Variants in RAI14 observed in about 807,000 individuals in gnomAD.
RAI14 encodes retinoic acid induced 14.
In RAI14, 45 loss-of-function variants were observed where a neutral mutation model predicts 115.4. That is an observed-to-expected ratio of 0.39 (90% CI 0.31 to 0.50). The LOEUF (loss-of-function observed/expected upper bound fraction) is 0.50, where lower values mean the gene tolerates loss of function less well. RAI14 is among the 20% of genes least tolerant of loss of function. The probability of loss-of-function intolerance (pLI) is 0.85; values close to 1 mark genes in which losing one functional copy is unlikely to be tolerated. For synonymous variants in RAI14, 371 were observed against 415.4 expected (o/e 0.89, Z 1.30); for missense variants, 939 against 1,131.2 (o/e 0.83, Z 2.44).
chr5:34,787,805 GTTTAA>G (rs1752469275), intron 3 of RAI14, among the ~76,000 whole-genome samples: 3 of 124,996 alleles, frequency 2.4e-5, no homozygotes, highest in Middle Eastern at 4.7e-3. Flanking sequence ...TTTGGTCTTT[GTTTAA>G]TTTGTTTTTA....
chr5:34,662,219 G>A (rs1742747413), intron 1 of RAI14, among the ~76,000 whole-genome samples: 1 of 152,164 alleles, frequency 6.6e-6, no homozygotes, highest in South Asian at 2.1e-4. Context: ...TATTTTTCAT[G>A]ATGGAAGGAA....
intron 17 of RAI14, among the ~76,000 whole-genome samples, chr5:34,830,336 C>T (rs778116958): frequency 7.2e-5 from 11 of 152,252 alleles, no homozygotes; most frequent in Middle Eastern, 3.4e-3. Context: ...ACTGGGAAGA[C>T]GGGGGCTTTA....
At position 34,665,198 on chromosome 5, in the gene RAI14, T is replaced by TATATATATATATATATAC. The variant is rs369742853; in HGVS notation, c.-49+8724_-49+8725insTATATATATATATATACA. 5.3e-4 allele frequency among the ~76,000 whole-genome samples: 40 copies of TATATATATATATATATAC among 75,700 alleles called. 1 individual carries two copies. The highest frequency in any genetic ancestry group is 9.0e-4 in the Non-Finnish European group (33 of 36,580). 49.7% of individuals were successfully genotyped at this position (75,700 alleles called of 152,430 possible). A position where few individuals can be genotyped will look rare whatever the true frequency, so the allele number is the denominator to read the frequency against. On this transcript the variant is annotated intron_variant, in intron 1 of 17. Coordinates refer to ENST00000265109, the MANE Select transcript of RAI14 (RefSeq NM_015577.3). Reference sequence around the variant, plus strand: ...ACACACATATATATATGTATATATATACACACACCACAGTTTCTTTATCCA... The same window carrying TATATATATATATATATAC: ...ACACACATATATATATGTATATATATATATATATATATATATACACACACACCACAGTTTCTTTATCCA...
At chr5:34,779,926 C>CA (rs1285931200) in intron 3 of RAI14, among the ~76,000 whole-genome samples, 2 of 151,908 alleles carry the variant, frequency 1.3e-5, no homozygotes, top group Admixed American at 1.3e-4. Context: ...AATCCTAAGC[C>CA]AAAAAAACAA....
rs1757529580 is a variant in RAI14, at chr5:34,827,111, G to A, written c.2799+632G>A. 6.6e-6 allele frequency among the ~76,000 whole-genome samples: 1 copy of A among 152,066 alleles called. No individual in the cohort carries two copies. Among genetic ancestry groups the A allele is most frequent in the Admixed American group, 6.6e-5 (1 of 15,258 alleles). ...AAAATCAATTTCCTTGCCTTTTCCAGTACCAGAGGCTGCCTGCATTCTGTG... is the reference window on the plus strand; with the variant it reads ...AAAATCAATTTCCTTGCCTTTTCCAATACCAGAGGCTGCCTGCATTCTGTG... On this transcript the variant is annotated intron_variant, in intron 16 of 17. Coordinates refer to ENST00000265109, the MANE Select transcript of RAI14 (RefSeq NM_015577.3). This position sits in a 1 kb window ranked among gnomAD's most constrained non-coding sequence, Gnocchi z 4.2.
In RAI14 at chr5:34,752,787, A is replaced by AT. The variant is rs1288827951; in HGVS notation, c.37-4681_37-4680insT. On this transcript the variant is annotated intron_variant, in intron 2 of 17. Transcript: ENST00000265109. Reference sequence around the variant, plus strand: ...TATATGTATCTTTTCTTTTTTTTTGAGACAAGGTCTTGGGTTGTCGCCCAG... The same window carrying AT: ...TATATGTATCTTTTCTTTTTTTTTGATGACAAGGTCTTGGGTTGTCGCCCAG... 2.3e-5 allele frequency among the ~76,000 whole-genome samples: 3 copies of AT among 127,950 alleles called. No individual in the cohort carries two copies. In the East Asian group the frequency reaches 6.6e-4, roughly 28 times the overall value. The allele number at this position is 127,950 out of a possible 152,430, so 83.9% of individuals were successfully genotyped here.
At chr5:34,787,893 ATTTTTTTTTTTTTTTTTTTTTTTTTT>A (rs70973012) in intron 3 of RAI14, among the ~76,000 whole-genome samples, 6 of 25,090 alleles carry the variant, frequency 2.4e-4, no homozygotes, top group African/African-American at 2.3e-4. Flanking sequence ...GATACTACTG[ATTTTTTTTTTTTTTTTTTTTTTTTTT>A]TTTTTTTTTT....
At chr5:34,782,463 T>C (rs1212938408) in intron 3 of RAI14, among the ~76,000 whole-genome samples, 1 of 152,230 alleles carries the variant, frequency 6.6e-6, no homozygotes, top group Admixed American at 6.5e-5. Flanking sequence ...TAGCTCCTAA[T>C]GTGTCTGCAG....
chr5:34,768,988 CAA>C (rs34926209), intron 3 of RAI14, among the ~76,000 whole-genome samples: 14 of 132,016 alleles, frequency 1.1e-4, no homozygotes, highest in Admixed American at 1.5e-4. Flanking sequence ...GACCCAGTCT[CAA>C]AAAAAAAAAA....
chr5:34,770,343 C>T (rs1038125087), intron 3 of RAI14, among the ~76,000 whole-genome samples: 5 of 152,048 alleles, frequency 3.3e-5, no homozygotes, highest in South Asian at 2.1e-4. Context: ...TGTGCCTTGA[C>T]GTGAGAAAAC....
chr5:34,695,283 T>C (rs1180179975), intron 2 of RAI14, among the ~76,000 whole-genome samples: 1 of 152,230 alleles, frequency 6.6e-6, no homozygotes, highest in Non-Finnish European at 1.5e-5. Flanking sequence ...TAATTAGGTA[T>C]ATGATAAGCT....
chr5:34,710,454 A>T (rs778027015), intron 2 of RAI14, among the ~76,000 whole-genome samples: 1 of 152,084 alleles, frequency 6.6e-6, no homozygotes, highest in Non-Finnish European at 1.5e-5. Context: ...TCTGTCAGAT[A>T]TTACCTCAGT....
chr5:34,678,832 C>A (rs896539515), intron 1 of RAI14, among the ~76,000 whole-genome samples: 1 of 152,298 alleles, frequency 6.6e-6, no homozygotes, highest in African/African-American at 2.4e-5. Flanking sequence ...TGTTGCTTCT[C>A]CACCAGGGAA....
At chr5:34,736,589 G>C (rs1414463639) in intron 2 of RAI14, among the ~76,000 whole-genome samples, 1 of 152,100 alleles carries the variant, frequency 6.6e-6, no homozygotes, top group African/African-American at 2.4e-5. Flanking sequence ...TTTTGACAGA[G>C]ATGAGGTCTC....
chr5:34,811,066 C>T lies in RAI14; in HGVS notation c.505C>T (p.His169Tyr). Reference protein sequence around the residue: ...AVQNGHSEICHFLLDHGADVN... With the variant: ...AVQNGHSEICYFLLDHGADVN... ...ACAAAATGGTCACAGTGAGATCTGT[C>T]ACTTTCTCCTGGATCATGGAGCAGA... Residue 169 changes from histidine to tyrosine, a missense_variant, in exon 8 of 18, where the codon CAC becomes TAC. Transcript: ENST00000265109. 1 of 1,614,064 alleles carries T rather than the reference C, an allele frequency of 6.2e-7. No individual in the cohort carries two copies.
intron 1 of RAI14, among the ~76,000 whole-genome samples, chr5:34,665,348 T>G (rs1224281751): frequency 2.0e-5 from 3 of 150,608 alleles, no homozygotes; most frequent in Non-Finnish European, 4.4e-5. Context: ...CTTTTCACTT[T>G]CACTAAGTCT....
intron 2 of RAI14, among the ~76,000 whole-genome samples, chr5:34,757,116 C>T (rs1241716907): frequency 2.0e-5 from 3 of 152,180 alleles, no homozygotes; most frequent in Non-Finnish European, 4.4e-5. Context: ...CAAAGGCCAA[C>T]GTGCTGAGGA....
intron 1 of RAI14, among the ~76,000 whole-genome samples, chr5:34,660,746 C>T (rs140900440): frequency 1.7e-4 from 25 of 150,276 alleles, no homozygotes; most frequent in Admixed American, 4.6e-4. Flanking sequence ...AACACATTGG[C>T]GTCCTCATTC....
rs114014942 is a variant in RAI14, at chr5:34,697,902, T to C, written c.36+10947T>C. ...AACAAATCTAAAAGAATATTAAAAA[T>C]GGTAGAATGTCCACTTCCTAGACAT... is the stretch of plus-strand genomic sequence containing the variant. On this transcript the variant is annotated intron_variant, in intron 2 of 17. Transcript: ENST00000265109. Among the ~76,000 whole-genome samples the C allele has an allele frequency of 8.8e-3, 1,347 of 152,286 alleles. 19 individuals carry two copies. The highest frequency in any genetic ancestry group is 0.031 in the African/African-American group (1,293 of 41,566).
Sources: gnomAD v4.1 joint callset for allele counts (sites outside exome capture counted in the v4.1 genomes callset) on GRCh38, gnomAD v4.1.1 for gene constraint, Gnocchi (gnomAD v3.1) non-coding constraint, MANE v1.5 for transcripts, NCBI Gene and HGNC (gene_info 2026-07-23, HGNC 2026-07-21) for gene names.